PCBD1: variants seen among roughly 807,000 people sequenced by gnomAD.
PCBD1 encodes pterin-4-alpha-carbinolamine dehydratase.
In PCBD1, 16 loss-of-function variants were observed where a neutral mutation model predicts 12.6. The ratio of observed to expected loss-of-function variants is 1.27; its 90% CI spans 0.86 to 1.93. The LOEUF (loss-of-function observed/expected upper bound fraction) is 1.93. PCBD1 is among the 30% of genes most tolerant of loss of function. The probability of loss-of-function intolerance (pLI) is 0.00; values close to 1 mark genes in which losing one functional copy is unlikely to be tolerated. For synonymous variants in PCBD1, 53 were observed against 50.2 expected (o/e 1.05, Z -0.23); for missense variants, 86 against 130.1 (o/e 0.66, Z 1.65).
At position 70,888,414 on chromosome 10, in the gene PCBD1, C is replaced by A. The variant is rs181852735; in HGVS notation, c.3+117G>T. 1.9e-4 allele frequency: 233 copies of A among 1,211,978 alleles called. 1 individual carries two copies. The East Asian group carries it at 6.5e-3, about 34-fold the overall frequency. 75.1% of individuals were successfully genotyped at this position (1,211,978 alleles called of 1,614,324 possible). ...CCGGGCAGAGACCCCACTTTCGGAC[C>A]CCGGCGGCTCCGCAGGGGACTCGAA... On this transcript the variant is annotated intron_variant, in intron 1 of 3. Coordinates refer to ENST00000299299, the MANE Select transcript of PCBD1 (RefSeq NM_000281.4).
chr10:70,886,987 C>T (rs1322690266), intron 1 of PCBD1, among the ~76,000 whole-genome samples: 1 of 152,044 alleles, frequency 6.6e-6, no homozygotes, highest in African/African-American at 2.4e-5. Context: ...GAAAAGATAC[C>T]CTTAGGGGTG....
At chr10:70,885,580 G>C (rs1383577728) in intron 2 of PCBD1, among the ~76,000 whole-genome samples, 1 of 152,218 alleles carries the variant, frequency 6.6e-6, no homozygotes, top group African/African-American at 2.4e-5. Flanking sequence ...GGAAGGGAGA[G>C]CCCAAGACAC....
At chr10:70,884,454 T>C (rs2131966339) in intron 3 of PCBD1, among the ~76,000 whole-genome samples, 1 of 151,888 alleles carries the variant, frequency 6.6e-6, no homozygotes, top group South Asian at 2.1e-4. Flanking sequence ...AGCAAATAAT[T>C]TGATAGGTTG....
At chr10:70,888,389 CCG>C (rs1846622332) in intron 1 of PCBD1, 140 bp downstream of exon 1, 4 of 940,676 alleles carry the variant, frequency 4.3e-6, no homozygotes, top group Non-Finnish European at 4.3e-6. Context: ...CGACAGAGAG[CCG>C]GGCAGAGACC....
In PCBD1 at chr10:70,883,794, C is replaced by T; in HGVS notation, c.*156G>A. On this transcript the variant is annotated 3_prime_UTR_variant, in exon 4 of 4. Transcript: ENST00000299299. ...TCTAAATTCCTGGTGTTGGTGGGGA[C>T]ACTGGCACATCCCACAGCAAGGACT... 6.6e-7 allele frequency: 1 copy of T among 1,516,696 alleles called. No individual in the cohort carries two copies. The highest frequency in any genetic ancestry group is 8.8e-7 in the Non-Finnish European group (1 of 1,132,294). The allele number at this position is 1,516,696 out of a possible 1,614,324, so 94.0% of individuals were successfully genotyped here.
chr10:70,882,814 T>C (rs1589483204), downstream of PCBD1, among the ~76,000 whole-genome samples: 1 of 152,166 alleles, frequency 6.6e-6, no homozygotes, highest in East Asian at 1.9e-4. Flanking sequence ...AGGAAGAAAA[T>C]ATAGGTTGAG....
intron 1 of PCBD1, chr10:70,888,287 C>T: frequency 2.7e-6 from 1 of 376,268 alleles, no homozygotes; most frequent in Non-Finnish European, 4.7e-6. Flanking sequence ...AAGCACTGGC[C>T]GGGGTCAGGG....
intron 1 of PCBD1, 181 bp downstream of exon 1, chr10:70,888,350 G>A (rs1405524390): frequency 5.3e-6 from 3 of 563,386 alleles, no homozygotes; most frequent in Non-Finnish European, 7.9e-6. Flanking sequence ...GCCCCTCTCA[G>A]GGCTTCAGCT....
At chr10:70,884,170 C>T (rs965842575) in intron 3 of PCBD1, 122 bp from the exon 4 acceptor site, 40 of 889,816 alleles carry the variant, frequency 4.5e-5, no homozygotes, top group Non-Finnish European at 6.7e-5. Context: ...ACGATCTCTC[C>T]TGGGGACTCC....
downstream of PCBD1, among the ~76,000 whole-genome samples, chr10:70,882,826 A>G (rs1383877827): frequency 5.3e-5 from 8 of 152,358 alleles, no homozygotes; most frequent in African/African-American, 1.7e-4. Flanking sequence ...TAGGTTGAGT[A>G]TCCCTTATCT....
chr10:70,883,367 T>C (rs1477302537), downstream of PCBD1: 1 of 200,200 alleles, frequency 5.0e-6, no homozygotes, highest in Non-Finnish European at 9.3e-6. Context: ...ATAATGAATC[T>C]GAAGGCAAGG....
intron 3 of PCBD1, among the ~76,000 whole-genome samples, chr10:70,884,478 ATTTTTT>A (rs71012255): frequency 1.8e-5 from 2 of 108,466 alleles, no homozygotes; most frequent in Non-Finnish European, 1.7e-5. Flanking sequence ...ATGTGTCTGT[ATTTTTT>A]TTTTTTTTTT....
intron 1 of PCBD1, 36 bp downstream of exon 1, chr10:70,888,495 G>A (rs1846624665): frequency 3.5e-6 from 5 of 1,446,132 alleles, no homozygotes; most frequent in African/African-American, 1.5e-5. Flanking sequence ...CCCCGGCCCC[G>A]CTGCCCCGAT....
rs1407936155 is a variant in PCBD1, at chr10:70,883,781, G to A, written c.*169C>T. Reference sequence around the variant, plus strand: ...TGCAGGGAAAAGGTCTAAATTCCTGGTGTTGGTGGGGACACTGGCACATCC... The same window carrying A: ...TGCAGGGAAAAGGTCTAAATTCCTGATGTTGGTGGGGACACTGGCACATCC... On this transcript the variant is annotated 3_prime_UTR_variant, in exon 4 of 4. Coordinates refer to ENST00000299299, the MANE Select transcript of PCBD1 (RefSeq NM_000281.4). The A allele has an allele frequency of 1.3e-6, 2 of 1,505,096 alleles. No homozygotes were observed. The highest frequency in any genetic ancestry group is 2.8e-5 in the African/African-American group (2 of 72,310). The allele number at this position is 1,505,096 out of a possible 1,614,324, so 93.2% of individuals were successfully genotyped here.
At chr10:70,882,816 T>C (rs572841366), downstream of PCBD1, among the ~76,000 whole-genome samples, 18 of 152,284 alleles carry the variant, frequency 1.2e-4, no homozygotes, top group East Asian at 3.1e-3. Flanking sequence ...GAAGAAAATA[T>C]AGGTTGAGTA....
downstream of PCBD1, chr10:70,882,381 A>T (rs1020677056): frequency 4.6e-5 from 7 of 152,238 alleles, no homozygotes; most frequent in African/African-American, 1.7e-4. Context: ...GAATTGGCTC[A>T]TGTGATTATG....
At position 70,885,909 on chromosome 10, in the gene PCBD1, C is replaced by T. The variant is rs775598635; in HGVS notation, c.24G>A (p.Leu8=). The T allele has an allele frequency of 1.2e-6, 2 of 1,613,986 alleles. No homozygotes were observed. The highest frequency in any genetic ancestry group is 1.7e-6 in the Non-Finnish European group (2 of 1,179,986). The part of the protein sequence containing the change: MAGKAHR[L]SAEERDQLLP... ...GCAGCTGGTCCCTCTCCTCAGCGCT[C>T]AGCCTGTGTGCTTTGCCAGCCTAGA... The change falls in exon 2 of 4, where the codon CTG becomes CTA. Residue 8 remains leucine, a synonymous_variant. Transcript: ENST00000299299.
rs139816077 is a variant in PCBD1, at chr10:70,886,900, G to A, written c.4-971C>T. ...TCAGTTTCATCCTAGGAGGATCCAG[G>A]TCTAGGAGCTTAACAGATCCCAGAA... On this transcript the variant is annotated intron_variant, in intron 1 of 3. Coordinates refer to ENST00000299299, the MANE Select transcript of PCBD1 (RefSeq NM_000281.4). 5.3e-5 allele frequency among the ~76,000 whole-genome samples: 8 copies of A among 152,316 alleles called. No individual in the cohort carries two copies. In the East Asian group the frequency reaches 1.3e-3, roughly 26 times the overall value.
At position 70,885,189 on chromosome 10, in the gene PCBD1, A is replaced by G. The variant is rs768330993; in HGVS notation, c.179T>C (p.Leu60Pro). The part of the protein sequence containing the change: ...MTRVALQAEK[L>P]DHHPEWFNVY... ...GTTAAACCATTCAGGATGGTGGTCC[A>G]GTTTCTCAGCCTGCAGGGCCACTCT... The change falls in exon 3 of 4, where the codon CTG (leucine) becomes CCG (proline). Residue 60 changes from leucine (L) to proline (P), a missense_variant. Physicochemically the swap from Leu to Pro is moderately conservative, Grantham distance 98 (BLOSUM62 -3). Coordinates refer to ENST00000299299, the MANE Select transcript of PCBD1 (RefSeq NM_000281.4). 5.0e-6 allele frequency: 8 copies of G among 1,613,980 alleles called. No individual in the cohort carries two copies. The highest frequency in any genetic ancestry group is 6.8e-6 in the Non-Finnish European group (8 of 1,179,998).
Sources: allele counts gnomAD v4.1 joint callset (sites outside exome capture counted in the v4.1 genomes callset), GRCh38; gene constraint gnomAD v4.1.1; transcripts MANE v1.5; gene names NCBI Gene and HGNC (gene_info 2026-07-23, HGNC 2026-07-21).